Variants in FSTL4 observed in about 807,000 individuals in gnomAD.
FSTL4 encodes follistatin-related protein 4.
In FSTL4, 28 loss-of-function variants were observed where a neutral mutation model predicts 78.2. That is an observed-to-expected ratio of 0.36 (90% confidence interval 0.27 to 0.49). The LOEUF is 0.49. FSTL4 is among the 20% of genes least tolerant of loss of function. The probability of loss-of-function intolerance (pLI) is 0.98; values close to 1 mark genes in which losing one functional copy is unlikely to be tolerated. For synonymous variants in FSTL4, 422 were observed against 440.5 expected (o/e 0.96, Z 0.53); for missense variants, 922 against 1,084.9 (o/e 0.85, Z 2.11).
At chr5:133,750,256 C>G in the FSTL4 span, among the ~76,000 whole-genome samples, 1 of 152,168 alleles carries the variant, frequency 6.6e-6, no homozygotes, top group African/African-American at 2.4e-5. Flanking sequence ...CTACGAAATC[C>G]AGGGCAAGTG....
the FSTL4 span, among the ~76,000 whole-genome samples, chr5:133,731,058 G>A: frequency 5.0e-4 from 76 of 152,250 alleles, 1 homozygote; most frequent in African/African-American, 1.8e-3. Flanking sequence ...GGGGCAGGCA[G>A]AGAACTGGCC....
chr5:133,360,606 T>C (rs1755047595), intron 4 of FSTL4, among the ~76,000 whole-genome samples: 1 of 152,080 alleles, frequency 6.6e-6, no homozygotes, highest in Non-Finnish European at 1.5e-5. Context: ...AAGTTCCTAT[T>C]GATGTGATTA....
At chr5:133,279,601 G>C (rs1043704705) in intron 6 of FSTL4, among the ~76,000 whole-genome samples, 3 of 152,182 alleles carry the variant, frequency 2.0e-5, no homozygotes, top group Admixed American at 6.5e-5. Flanking sequence ...GGGGAGGGTG[G>C]AAGCCACAGG....
the FSTL4 span, among the ~76,000 whole-genome samples, chr5:133,814,029 G>A: frequency 0.048 from 7,271 of 152,246 alleles, 204 homozygotes; most frequent in East Asian, 0.093. Context: ...AATTGTACTG[G>A]GCTAAACACC....
intron 3 of FSTL4, among the ~76,000 whole-genome samples, chr5:133,408,052 C>T (rs911537202): frequency 3.3e-5 from 5 of 152,054 alleles, no homozygotes; most frequent in Non-Finnish European, 7.4e-5. Context: ...TCTTTTCCAC[C>T]AAAAAGAACC....
chr5:133,221,303 C>A (rs1006429048), intron 11 of FSTL4, among the ~76,000 whole-genome samples: 10 of 152,288 alleles, frequency 6.6e-5, no homozygotes, highest in Admixed American at 2.6e-4. Context: ...GTGTCACTTC[C>A]TGGAATGTGG....
At chr5:133,488,954 C>A (rs1276722585) in intron 3 of FSTL4, among the ~76,000 whole-genome samples, 3 of 152,206 alleles carry the variant, frequency 2.0e-5, no homozygotes, top group East Asian at 1.9e-4. Context: ...TAGGACCTAT[C>A]CAAAAGGCCA....
At chr5:133,673,823 G>C in the FSTL4 span, among the ~76,000 whole-genome samples, 1 of 152,114 alleles carries the variant, frequency 6.6e-6, no homozygotes, top group Non-Finnish European at 1.5e-5. Flanking sequence ...TTTGATAGGG[G>C]CTGTAATGGA....
chr5:133,289,961 TA>T (rs1448969487), intron 6 of FSTL4, among the ~76,000 whole-genome samples: 1 of 152,170 alleles, frequency 6.6e-6, no homozygotes, highest in African/African-American at 2.4e-5. Context: ...ATGGGCAAAA[TA>T]AATTCCAGGG....
At chr5:133,734,173 G>A in the FSTL4 span, among the ~76,000 whole-genome samples, 1 of 152,178 alleles carries the variant, frequency 6.6e-6, no homozygotes, top group African/African-American at 2.4e-5. Context: ...AGGAAAGAGT[G>A]TCCAAAAATG....
chr5:133,315,791 G>A (rs55658658), intron 5 of FSTL4, among the ~76,000 whole-genome samples: 40 of 152,294 alleles, frequency 2.6e-4, no homozygotes, highest in Non-Finnish European at 4.9e-4. Context: ...GACCCTACAG[G>A]CTCCTCCCTG....
chr5:133,244,595 A>T (rs1425818829), intron 7 of FSTL4: 2 of 152,312 alleles, frequency 1.3e-5, no homozygotes, highest in Admixed American at 1.3e-4. Flanking sequence ...CCAGAGACCC[A>T]CTGCCAGGAG....
At chr5:133,628,484 C>T in the FSTL4 span, among the ~76,000 whole-genome samples, 3 of 151,926 alleles carry the variant, frequency 2.0e-5, no homozygotes, top group Admixed American at 1.3e-4. Context: ...CTCAGCCTCC[C>T]GAGTAGCTGG....
the FSTL4 span, among the ~76,000 whole-genome samples, chr5:133,660,507 T>C: frequency 1.3e-5 from 2 of 152,214 alleles, no homozygotes; most frequent in Non-Finnish European, 2.9e-5. Context: ...TATGGGGCTA[T>C]GGGCAGAACA....
chr5:133,316,586 A>G lies in FSTL4; in HGVS notation c.476T>C (p.Leu159Pro), dbSNP rs771171253. 1.2e-6 allele frequency: 2 copies of G among 1,614,098 alleles called. No individual in the cohort carries two copies. Reference protein sequence around the residue: ...KNVLLALQTRLQPLQEGDSRQ... With the variant: ...KNVLLALQTRPQPLQEGDSRQ... Reference sequence around the variant, plus strand: ...GCTGTCTCCTTCTTGGAGTGGCTGCAGACGGGTCTGGAGTGCCAGAAGGAC... The same window carrying G: ...GCTGTCTCCTTCTTGGAGTGGCTGCGGACGGGTCTGGAGTGCCAGAAGGAC... Residue 159 changes from leucine (L) to proline (P), a missense_variant, in exon 5 of 16, where the codon CTG (leucine) becomes CCG (proline). Leu to Pro is a moderately conservative substitution (Grantham distance 98). Coordinates refer to ENST00000265342, the MANE Select transcript of FSTL4 (RefSeq NM_015082.2).
the FSTL4 span, among the ~76,000 whole-genome samples, chr5:133,834,625 T>C: frequency 6.6e-6 from 1 of 152,088 alleles, no homozygotes; most frequent in African/African-American, 2.4e-5. Context: ...GAAGTAGTTA[T>C]CTCTAGAGGT....
intron 3 of FSTL4, among the ~76,000 whole-genome samples, chr5:133,549,265 T>C (rs1179188084): frequency 3.3e-5 from 5 of 152,174 alleles, no homozygotes; most frequent in Admixed American, 6.5e-5. Context: ...CTCCTAACCT[T>C]GATAGCTTTG....
rs201627375 is a variant in FSTL4, at chr5:133,316,483, G to T, written c.579C>A (p.His193Gln). 1.9e-6 allele frequency: 3 copies of T among 1,614,038 alleles called. No individual in the cohort carries two copies. Among genetic ancestry groups the T allele is most frequent in the Non-Finnish European group, 2.5e-6 (3 of 1,179,924 alleles). ...CCTGAGCCAGTTCGGAGCTGCTGAG[G>T]TGGCCATTGCCATCTGCATCTAAGT... Reference protein sequence around the residue: ...FRDLDADGNGHLSSSELAQHV... With the variant: ...FRDLDADGNGQLSSSELAQHV... Residue 193 changes from histidine to glutamine, a missense_variant, in exon 5 of 16, where the codon CAC becomes CAA. His to Gln is a conservative substitution (Grantham distance 24). Transcript: ENST00000265342.
intron 6 of FSTL4, 164 bp downstream of exon 6, chr5:133,312,490 C>G: frequency 3.1e-6 from 2 of 646,920 alleles, no homozygotes; most frequent in Non-Finnish European, 5.5e-6. Flanking sequence ...TCCGTTTAGT[C>G]TTTTCTTAAA....
Sources: gnomAD v4.1 joint callset for allele counts (sites outside exome capture counted in the v4.1 genomes callset) on GRCh38, gnomAD v4.1.1 for gene constraint, MANE v1.5 for transcripts, NCBI Gene and HGNC (gene_info 2026-07-23, HGNC 2026-07-21) for gene names.